Variants in DNAI4 observed in about 807,000 individuals in gnomAD.
DNAI4 encodes WD repeat domain 78.
In DNAI4, 85 loss-of-function variants were observed where a neutral mutation model predicts 105.8. The observed-to-expected ratio is 0.80, with a 90% CI of 0.67 to 0.96. The LOEUF is 0.96. Among genes scored for constraint, DNAI4 ranks in the 40% least tolerant of loss-of-function variants. The pLI, the probability that DNAI4 is intolerant of heterozygous loss-of-function variation, is 0.00. For missense variants in DNAI4, 1,014 were observed against 1,005.6 expected (o/e 1.01, Z -0.11); for synonymous variants, 352 against 331.5 (o/e 1.06, Z -0.67).
At position 66,815,952 on chromosome 1, in the gene DNAI4, A is replaced by G. The variant is rs546238043; in HGVS notation, c.2497-1772T>C. 1.8e-3 allele frequency among the ~76,000 whole-genome samples: 275 copies of G among 152,308 alleles called. 1 individual carries two copies. Among genetic ancestry groups the G allele is most frequent in the Admixed American group, 4.9e-3 (75 of 15,294 alleles). On this transcript the variant is annotated intron_variant, in intron 16 of 16. Coordinates refer to ENST00000371026, the MANE Select transcript of DNAI4 (RefSeq NM_024763.5). ...CAACCTTTGGCCATATCCTACCACA[A>G]AAGTATTCTGGTCCTTGCTGTCATC...
intron 1 of DNAI4, among the ~76,000 whole-genome samples, chr1:66,909,285 TAC>T (rs71058481): frequency 1.7e-3 from 232 of 134,470 alleles, no homozygotes; most frequent in Middle Eastern, 3.6e-3. Flanking sequence ...CACCTCTCTC[TAC>T]ACACACACAC....
At chr1:66,899,267 G>A (rs1648601020) in intron 2 of DNAI4, among the ~76,000 whole-genome samples, 1 of 152,116 alleles carries the variant, frequency 6.6e-6, no homozygotes, top group African/African-American at 2.4e-5. Context: ...CTTGTTATGT[G>A]ACTCTTTGAT....
rs34206774 is a variant in DNAI4 at position 66,905,918 on chromosome 1, CTTTT to C, written c.171-547_171-544del. 6.2e-5 allele frequency among the ~76,000 whole-genome samples: 6 copies of C among 96,404 alleles called. No individual in the cohort carries two copies. The Admixed American group carries it at 8.6e-4, about 14-fold the overall frequency. The allele number at this position is 96,404 out of a possible 152,430, so 63.2% of individuals were successfully genotyped here. A position where few individuals can be genotyped will look rare whatever the true frequency, so the allele number is the denominator to read the frequency against. ...GTGTTCCTTCCTGAATTATATACTA[CTTTT>C]TTTTTTTTTTTTTTTTTTTGAGACG... On this transcript the variant is annotated intron_variant, in intron 1 of 16. Transcript: ENST00000371026.
intron 3 of DNAI4, among the ~76,000 whole-genome samples, 158 bp downstream of exon 3, chr1:66,893,071 A>AAAAG (rs1553227642): frequency 0.011 from 1,352 of 122,410 alleles, 36 homozygotes; most frequent in Non-Finnish European, 0.015. Flanking sequence ...GAGAGAAAGA[A>AAAAG]AGAAAGAAAG....
intron 1 of DNAI4, among the ~76,000 whole-genome samples, chr1:66,911,562 C>A (rs1649658716): frequency 6.6e-6 from 1 of 152,162 alleles, no homozygotes; most frequent in African/African-American, 2.4e-5. Context: ...AGGTACTAGT[C>A]ATGGTCAACT....
chr1:66,869,637 C>G (rs555652037), intron 6 of DNAI4, among the ~76,000 whole-genome samples: 1 of 152,168 alleles, frequency 6.6e-6, no homozygotes, highest in East Asian at 1.9e-4. Flanking sequence ...AAGTTTGCAC[C>G]AATTAAGAAA....
intron 4 of DNAI4, among the ~76,000 whole-genome samples, chr1:66,880,373 A>C (rs1453844236): frequency 6.6e-6 from 1 of 152,216 alleles, no homozygotes; most frequent in Non-Finnish European, 1.5e-5. Flanking sequence ...GAAAGTTTGG[A>C]ACTCCCTAGA....
At chr1:66,900,707 T>A (rs918706191) in intron 2 of DNAI4, among the ~76,000 whole-genome samples, 1 of 152,224 alleles carries the variant, frequency 6.6e-6, no homozygotes, top group African/African-American at 2.4e-5. Flanking sequence ...GTTCTATGCA[T>A]GTGTCTAGAA....
chr1:66,900,807 A>G (rs1187593473), intron 2 of DNAI4, among the ~76,000 whole-genome samples: 1 of 152,142 alleles, frequency 6.6e-6, no homozygotes, highest in Admixed American at 6.5e-5. Context: ...ATTCCTTAGG[A>G]GTCTGTATAT....
rs944202714 is a variant in DNAI4, at chr1:66,833,676, G to A, written c.1922C>T (p.Ala641Val). 6 of 1,612,960 alleles carry A rather than the reference G, an allele frequency of 3.7e-6. No homozygotes were observed. Among genetic ancestry groups the A allele is most frequent in the African/African-American group, 1.3e-5 (1 of 74,938 alleles). Residue 641 changes from alanine to valine, a missense_variant, in exon 13 of 17, where the codon GCC becomes GTC. Coordinates refer to ENST00000371026, the MANE Select transcript of DNAI4 (RefSeq NM_024763.5). ...CTTTTCCCCTCCTTTTTTGTTACTGGCAGCTGTAGTTCTCTTTAATCGCAT... is the reference window on the plus strand; with the variant it reads ...CTTTTCCCCTCCTTTTTTGTTACTGACAGCTGTAGTTCTCTTTAATCGCAT... Reference protein sequence around the residue: ...DLMRLKRTTAASNKKGGEKEK... With the variant: ...DLMRLKRTTAVSNKKGGEKEK...
intron 6 of DNAI4, among the ~76,000 whole-genome samples, chr1:66,867,609 C>T (rs1445907018): frequency 1.3e-5 from 2 of 151,948 alleles, no homozygotes. Context: ...ATTCTGACAG[C>T]GTTTGCTCAA....
chr1:66,886,668 G>A (rs894839962), intron 4 of DNAI4, among the ~76,000 whole-genome samples: 2 of 152,116 alleles, frequency 1.3e-5, no homozygotes, highest in Non-Finnish European at 2.9e-5. Flanking sequence ...TGTGGAGAAG[G>A]GAAGTAGTCT....
Position 66,826,865 on chromosome 1 carries a change from G to A in DNAI4, c.2294C>T (p.Ala765Val). The change falls in exon 15 of 17, where the codon GCT (alanine) becomes GTT (valine). Residue 765 changes from alanine to valine, a missense_variant. Ala to Val is a moderately conservative substitution (Grantham distance 64). Coordinates refer to ENST00000371026, the MANE Select transcript of DNAI4 (RefSeq NM_024763.5). ...AATCTCCACCCTGTTCTCATTTGCAGCTGCAAATATATAGGATGATTTTGG... is the reference window on the plus strand; with the variant it reads ...AATCTCCACCCTGTTCTCATTTGCAACTGCAAATATATAGGATGATTTTGG... ...WSPKSSYIFA[A>V]ANENRVEIWD... The A allele has an allele frequency of 1.2e-6, 2 of 1,614,106 alleles. No homozygotes were observed. The highest frequency in any genetic ancestry group is 1.1e-5 in the South Asian group (1 of 91,086).
intron 4 of DNAI4, among the ~76,000 whole-genome samples, chr1:66,884,213 T>A (rs996086810): frequency 6.6e-6 from 1 of 152,262 alleles, no homozygotes; most frequent in African/African-American, 2.4e-5. Flanking sequence ...TACCACATTT[T>A]CTTTATCCAT....
intron 6 of DNAI4, among the ~76,000 whole-genome samples, chr1:66,865,902 A>C (rs1032150267): frequency 2.0e-5 from 3 of 152,184 alleles, no homozygotes; most frequent in African/African-American, 7.2e-5. Context: ...AAAAGGGAGG[A>C]GTAAGTTTTC....
rs1569789505 is a variant in DNAI4, at chr1:66,890,884, A to G, written c.643+270T>C. ...AGGAAGAGGAAGAAGAAGAAGAAGA[A>G]GCAGAAGCAGCAGCAGCAACAGCAG... On this transcript the variant is annotated intron_variant, in intron 4 of 16. Transcript: ENST00000371026. This position sits in a 1 kb window ranked among gnomAD's most constrained non-coding sequence, Gnocchi z 4.1. The G allele has an allele frequency of 1.9e-5, 9 of 482,020 alleles. No homozygotes were observed. 29.9% of individuals were successfully genotyped at this position (482,020 alleles called of 1,614,324 possible).
At chr1:66,922,463 A>T (rs1263293652) in intron 1 of DNAI4, among the ~76,000 whole-genome samples, 1 of 152,222 alleles carries the variant, frequency 6.6e-6, no homozygotes, top group Non-Finnish European at 1.5e-5. Context: ...TAATTAGGCA[A>T]GAGGAAGAGT....
intron 4 of DNAI4, among the ~76,000 whole-genome samples, chr1:66,882,709 T>C (rs904809240): frequency 6.6e-6 from 1 of 152,154 alleles, no homozygotes; most frequent in African/African-American, 2.4e-5. Context: ...TCTATACTTA[T>C]GCTTGAAATC....
intron 7 of DNAI4, chr1:66,848,433 C>T (rs888781284): frequency 2.8e-6 from 1 of 359,694 alleles, no homozygotes; most frequent in Non-Finnish European, 5.4e-6. Flanking sequence ...ATCTCTTTTG[C>T]CATGTTAGGT....
Sources: allele counts gnomAD v4.1 joint callset (sites outside exome capture counted in the v4.1 genomes callset), GRCh38; gene constraint gnomAD v4.1.1; non-coding constraint Gnocchi (gnomAD v3.1); transcripts MANE v1.5; gene names NCBI Gene and HGNC (gene_info 2026-07-23, HGNC 2026-07-21).